Variants in PHKA2 observed in about 807,000 individuals in gnomAD.
PHKA2 encodes phosphorylase b kinase regulatory subunit alpha, liver isoform.
Under a neutral mutation model 102.0 loss-of-function variants are expected in PHKA2, and 31 were observed. The ratio of observed to expected loss-of-function variants is 0.30; its 90% CI spans 0.23 to 0.41. The LOEUF (loss-of-function observed/expected upper bound fraction) is 0.41, where lower values mean the gene tolerates loss of function less well. Ranked by LOEUF, PHKA2 falls within the 10% of genes least tolerant of loss-of-function variation. The probability of loss-of-function intolerance (pLI) is 1.00; values close to 1 mark genes in which losing one functional copy is unlikely to be tolerated. For missense variants in PHKA2, 858 were observed against 1,023.1 expected (o/e 0.84, Z 2.20); for synonymous variants, 455 against 416.2 (o/e 1.09, Z -1.13).
rs746571127 is a variant in PHKA2, at chrX:18,938,654, A to C, written c.1014T>G (p.Asp338Glu). The C allele has an allele frequency of 1.7e-6, 2 of 1,205,439 alleles. No individual in the cohort carries two copies. Among genetic ancestry groups the C allele is most frequent in the South Asian group, 3.5e-5 (2 of 56,856 alleles). The change falls in exon 10 of 33, where the codon GAT becomes GAG. Residue 338 changes from aspartate to glutamate, a missense_variant. Asp to Glu is a conservative substitution (Grantham distance 45, BLOSUM62 2). Transcript: ENST00000379942. ...WPVFWTYFII[D>E]GVFSGDAVQV... ...GAACAGCATCACCACTGAAGACTCCATCTATTATAAAATATGTCCAAAACA... is the reference window on the plus strand; with the variant it reads ...GAACAGCATCACCACTGAAGACTCCCTCTATTATAAAATATGTCCAAAACA...
At chrX:18,973,044 C>G (rs1030941588) in intron 1 of PHKA2, among the ~76,000 whole-genome samples, 3 of 111,488 alleles carry the variant, frequency 2.7e-5, no homozygotes, top group Non-Finnish European at 3.8e-5. Context: ...ATTCTGTCGC[C>G]CAGGCTGGAG....
chrX:18,971,197 A>T (rs1358279077), intron 1 of PHKA2, among the ~76,000 whole-genome samples: 1 of 112,612 alleles, frequency 8.9e-6, no homozygotes, highest in Non-Finnish European at 1.9e-5. Flanking sequence ...CTCATGAGTG[A>T]CACATGACAC....
chrX:18,932,650 G>A (rs2048334416), intron 11 of PHKA2, among the ~76,000 whole-genome samples: 1 of 110,834 alleles, frequency 9.0e-6, no homozygotes, highest in Non-Finnish European at 1.9e-5. Context: ...TAATCCAATA[G>A]GACAATAGTG....
intron 19 of PHKA2, among the ~76,000 whole-genome samples, chrX:18,916,301 G>A (rs1305508294): frequency 9.0e-6 from 1 of 111,274 alleles, no homozygotes; most frequent in Non-Finnish European, 1.9e-5. Context: ...TGTAATCCCC[G>A]CTACTTGGGA....
chrX:18,971,342 G>T (rs751285349), intron 1 of PHKA2, among the ~76,000 whole-genome samples: 1 of 111,873 alleles, frequency 8.9e-6, no homozygotes, highest in Non-Finnish European at 1.9e-5. Context: ...CTTTTAGCCC[G>T]TTTGCTTTCT....
At chrX:18,905,940 A>T in intron 25 of PHKA2, 81 bp from the exon 26 acceptor site, 1 of 673,065 alleles carries the variant, frequency 1.5e-6, no homozygotes, top group South Asian at 2.2e-5. Flanking sequence ...GTGGGTGGGG[A>T]GGGAGGTGAT....
intron 28 of PHKA2, 143 bp from the exon 29 acceptor site, chrX:18,899,369 C>T: frequency 1.8e-6 from 1 of 541,498 alleles, no homozygotes; most frequent in Non-Finnish European, 3.2e-6. Context: ...CACAGCAACG[C>T]ACATAGGCAA....
At position 18,975,246 on chromosome X, in the gene PHKA2, T is replaced by C. The variant is rs142556048; in HGVS notation, c.78+8609A>G. Among the ~76,000 whole-genome samples the C allele has an allele frequency of 6.9e-3, 767 of 111,757 alleles. 1 individual carries two copies. Among genetic ancestry groups the C allele is most frequent in the South Asian group, 0.016 (43 of 2,666 alleles). ...GACCTGGTGGGAGGTAATTGAATCA[T>C]GGGGGCAGGTCTTTCCCATGCTGTT... On this transcript the variant is annotated intron_variant, in intron 1 of 32. Coordinates refer to ENST00000379942, the MANE Select transcript of PHKA2 (RefSeq NM_000292.3).
At chrX:18,941,864 G>A (rs982721571) in intron 7 of PHKA2, among the ~76,000 whole-genome samples, 189 bp from the exon 8 acceptor site, 4 of 112,843 alleles carry the variant, frequency 3.5e-5, no homozygotes, top group African/African-American at 1.3e-4. Flanking sequence ...TTCCTCAGGC[G>A]AGAAGTCAGG....
chrX:18,929,366 C>T (rs1031950177), intron 12 of PHKA2, 60 bp from the exon 13 acceptor site: 1 of 791,912 alleles, frequency 1.3e-6, no homozygotes, highest in Non-Finnish European at 1.9e-6. Flanking sequence ...TCATCTTAAA[C>T]TGAAGTGTGA....
intron 21 of PHKA2, 42 bp downstream of exon 21, chrX:18,908,759 T>C: frequency 9.7e-7 from 1 of 1,030,426 alleles, no homozygotes; most frequent in Non-Finnish European, 1.4e-6. Flanking sequence ...AATCTGTTCA[T>C]GGTATTTTGT....
intron 18 of PHKA2, among the ~76,000 whole-genome samples, chrX:18,919,507 C>T (rs747796398): frequency 3.1e-4 from 34 of 109,954 alleles, no homozygotes; most frequent in African/African-American, 9.9e-4. Flanking sequence ...GAGTTTAAGA[C>T]CAGCCAGGGC....
intron 11 of PHKA2, among the ~76,000 whole-genome samples, chrX:18,933,422 T>C (rs775325632): frequency 1.8e-5 from 2 of 113,151 alleles, no homozygotes; most frequent in South Asian, 7.2e-4. Flanking sequence ...TGTGCCCCAG[T>C]AGCTAGCCTG....
intron 15 of PHKA2, 34 bp downstream of exon 15, chrX:18,925,633 TA>T (rs756013971): frequency 4.7e-5 from 39 of 823,924 alleles, no homozygotes; most frequent in Middle Eastern, 2.7e-4. Context: ...AAAGAGAACT[TA>T]AAAAAAAGAT....
chrX:18,972,748 A>G (rs923083862), intron 1 of PHKA2, among the ~76,000 whole-genome samples: 44 of 111,839 alleles, frequency 3.9e-4, no homozygotes, highest in African/African-American at 1.2e-3. Flanking sequence ...GAAAAATGGA[A>G]AACTCTAGTT....
intron 19 of PHKA2, among the ~76,000 whole-genome samples, chrX:18,917,550 C>G (rs865802172): frequency 9.0e-6 from 1 of 111,325 alleles, no homozygotes; most frequent in African/African-American, 3.3e-5. Flanking sequence ...TGAGCCACCA[C>G]GCCCAGCCAA....
At chrX:18,948,875 CCAGT>C (rs1388056874) in intron 4 of PHKA2, 49 bp from the exon 5 acceptor site, 2 of 828,987 alleles carry the variant, frequency 2.4e-6, no homozygotes, top group Non-Finnish European at 3.6e-6. Flanking sequence ...CAGAGAGCTG[CCAGT>C]CACAAATTAC....
Position 18,905,640 on chromosome X carries a change from C to T in PHKA2, c.2908+118G>A, listed in dbSNP as rs1043908359. On this transcript the variant is annotated intron_variant, in intron 26 of 32. Coordinates refer to ENST00000379942, the MANE Select transcript of PHKA2 (RefSeq NM_000292.3). ...CTTGAGCCTAGGACTCTGTCCATCT[C>T]CTTCAGGTAGGAGCCTTCTCTTCCC... 8 of 572,374 alleles carry T rather than the reference C, an allele frequency of 1.4e-5. No individual in the cohort carries two copies. The African/African-American group carries it at 1.8e-4, about 13-fold the overall frequency. 47.2% of individuals were successfully genotyped at this position (572,374 alleles called of 1,213,427 possible).
At chrX:18,913,223 G>T (rs1383225156) in intron 19 of PHKA2, among the ~76,000 whole-genome samples, 1 of 111,429 alleles carries the variant, frequency 9.0e-6, no homozygotes, top group Admixed American at 9.6e-5. Context: ...CCTAGGACAT[G>T]ACTGTACACT....
Sources: allele counts gnomAD v4.1 joint callset (sites outside exome capture counted in the v4.1 genomes callset), GRCh38; gene constraint gnomAD v4.1.1; transcripts MANE v1.5; gene names NCBI Gene and HGNC (gene_info 2026-07-23, HGNC 2026-07-21).